The following SEMA5A variants were observed in gnomAD, a reference collection of about 807,000 sequenced individuals.
The protein encoded by SEMA5A is semaphorin-5A.
SEMA5A carries 55 observed loss-of-function variants against 135.5 expected under a neutral mutation model. That is an observed-to-expected ratio of 0.41 (90% CI 0.33 to 0.51). SEMA5A has a LOEUF of 0.51. SEMA5A is among the 20% of genes least tolerant of loss of function. The probability of loss-of-function intolerance (pLI) is 0.37; values close to 1 mark genes in which losing one functional copy is unlikely to be tolerated. For synonymous variants in SEMA5A, 580 were observed against 546.5 expected, an observed-to-expected ratio of 1.06 and a Z score of -0.85; for missense variants, 1,290 against 1,419.9, an observed-to-expected ratio of 0.91 and a Z score of 1.47.
chr5:9,546,006 G>A lies in SEMA5A; in HGVS notation c.-597C>T, dbSNP rs947893979. 6.6e-6 allele frequency: 1 copy of A among 152,190 alleles called. No individual in the cohort carries two copies. The highest frequency in any genetic ancestry group is 6.5e-5 in the Admixed American group (1 of 15,274). The allele number at this position is 152,190 out of a possible 1,614,324, so 9.4% of individuals were successfully genotyped here. A position where few individuals can be genotyped will look rare whatever the true frequency, so the allele number is the denominator to read the frequency against. On this transcript the variant is annotated 5_prime_UTR_variant, in exon 1 of 23. Coordinates refer to ENST00000382496, the MANE Select transcript of SEMA5A (RefSeq NM_003966.3). ...GCCTGAGGCTGCGAAGCCCACCCGC[G>A]GCGGGAAAGCAGCGCTCGGGAGCGG... is the stretch of plus-strand genomic sequence containing the variant.
intron 5 of SEMA5A, among the ~76,000 whole-genome samples, chr5:9,282,046 C>A (rs948304737): frequency 4.6e-5 from 7 of 151,920 alleles, no homozygotes; most frequent in African/African-American, 1.7e-4. Flanking sequence ...CTCCTGACCT[C>A]GTGATCCACC....
At chr5:9,189,814 A>G (rs551455303) in intron 11 of SEMA5A, among the ~76,000 whole-genome samples, 2 of 152,354 alleles carry the variant, frequency 1.3e-5, no homozygotes, top group South Asian at 2.1e-4. Context: ...GCCCCAAAAC[A>G]TATTCTTTGA....
chr5:9,235,624 C>T (rs1453320008), intron 6 of SEMA5A, among the ~76,000 whole-genome samples: 2 of 150,484 alleles, frequency 1.3e-5, no homozygotes, highest in Non-Finnish European at 2.9e-5. Flanking sequence ...TGGGGCCCCT[C>T]AGGTCTGGGC....
At chr5:9,230,474 G>C (rs1747566934) in intron 6 of SEMA5A, among the ~76,000 whole-genome samples, 4 of 152,114 alleles carry the variant, frequency 2.6e-5, no homozygotes. Flanking sequence ...GAAAGGGACA[G>C]AATTATTTCA....
Position 9,118,986 on chromosome 5 carries a change from G to C in SEMA5A, c.1925+12C>G, listed in dbSNP as rs779066235. On this transcript the variant is annotated intron_variant, in intron 15 of 22. Coordinates refer to ENST00000382496, the MANE Select transcript of SEMA5A (RefSeq NM_003966.3). Reference sequence around the variant, plus strand: ...TGAGGCTGGCGGTGCTGGCAGCAGGGTGGGCACGTACCTTTCCTCGCGGTT... The same window carrying C: ...TGAGGCTGGCGGTGCTGGCAGCAGGCTGGGCACGTACCTTTCCTCGCGGTT... 6.2e-7 allele frequency: 1 copy of C among 1,610,998 alleles called. No individual in the cohort carries two copies. The highest frequency in any genetic ancestry group is 1.1e-5 in the South Asian group (1 of 90,838).
chr5:9,404,670 C>T (rs1022742031), intron 2 of SEMA5A, among the ~76,000 whole-genome samples: 9 of 152,148 alleles, frequency 5.9e-5, no homozygotes, highest in South Asian at 2.1e-4. Context: ...TCCAGTGTCC[C>T]GTTGTACACA....
At chr5:9,493,282 CATCT>C (rs55635610) in intron 1 of SEMA5A, among the ~76,000 whole-genome samples, 43,414 of 149,350 alleles carry the variant, frequency 0.29, 6,630 homozygotes, top group East Asian at 0.51. Flanking sequence ...TATGTAGCAG[CATCT>C]ATCTATCTAT....
chr5:9,243,942 T>C (rs1748344691), intron 5 of SEMA5A, among the ~76,000 whole-genome samples: 2 of 152,208 alleles, frequency 1.3e-5, no homozygotes, highest in South Asian at 4.1e-4. Flanking sequence ...TTTGTGCATG[T>C]CTAAGTTCAG....
intron 9 of SEMA5A, among the ~76,000 whole-genome samples, chr5:9,197,780 G>GTGTGTGTGTGTGTGTGTGTGTGTGTT: frequency 9.6e-6 from 1 of 104,018 alleles, no homozygotes; most frequent in East Asian, 3.4e-4. Context: ...GTGTGTGTGT[G>GTGTGTGTGTGTGTGTGTGTGTGTGTT]TGTGTTTTAA....
chr5:9,282,379 C>T lies in SEMA5A; in HGVS notation c.270+35993G>A, dbSNP rs143613193. On this transcript the variant is annotated intron_variant, in intron 5 of 22. Transcript: ENST00000382496. Reference sequence around the variant, plus strand: ...GTCCTGTGAACATGGGTATGGGCCACATATTTGTCTCTGCGGTTTTCAGTA... The same window carrying T: ...GTCCTGTGAACATGGGTATGGGCCATATATTTGTCTCTGCGGTTTTCAGTA... Among the ~76,000 whole-genome samples the T allele has an allele frequency of 3.0e-3, 456 of 152,216 alleles. 2 individuals carry two copies. The highest frequency in any genetic ancestry group is 0.011 in the African/African-American group (444 of 41,538).
intron 18 of SEMA5A, among the ~76,000 whole-genome samples, chr5:9,054,766 TAG>T (rs1736798154): frequency 1.3e-5 from 2 of 152,120 alleles, no homozygotes. Flanking sequence ...GACAGTGGGA[TAG>T]AGAAAAGCTA....
intron 10 of SEMA5A, among the ~76,000 whole-genome samples, chr5:9,191,095 G>A (rs1231804006): frequency 6.6e-6 from 1 of 152,114 alleles, no homozygotes; most frequent in African/African-American, 2.4e-5. Context: ...AAAGAACATG[G>A]CAAATTTATA....
chr5:9,211,399 G>T (rs1309814500), intron 8 of SEMA5A, among the ~76,000 whole-genome samples: 1 of 152,034 alleles, frequency 6.6e-6, no homozygotes, highest in Non-Finnish European at 1.5e-5. Context: ...ATTTGTCTTT[G>T]TTTTGCTTGT....
chr5:9,449,665 C>T (rs1044200426), intron 1 of SEMA5A, among the ~76,000 whole-genome samples: 1 of 151,980 alleles, frequency 6.6e-6, no homozygotes, highest in Non-Finnish European at 1.5e-5. Flanking sequence ...GGGGCATATC[C>T]CTAAAGTTAG....
chr5:9,334,495 G>A (rs770776735), intron 4 of SEMA5A, among the ~76,000 whole-genome samples: 1 of 152,204 alleles, frequency 6.6e-6, no homozygotes, highest in Non-Finnish European at 1.5e-5. Flanking sequence ...CGAAACCCAT[G>A]AAGACCCTCA....
chr5:9,262,890 T>G (rs1461013511), intron 5 of SEMA5A, among the ~76,000 whole-genome samples: 1,047 of 95,768 alleles, frequency 0.011, 19 homozygotes, highest in African/African-American at 0.039. Flanking sequence ...AAAACTTAGA[T>G]TATAATAAAA....
chr5:9,200,920 G>GT (rs1366364914), intron 9 of SEMA5A, among the ~76,000 whole-genome samples: 2 of 152,180 alleles, frequency 1.3e-5, no homozygotes, highest in African/African-American at 4.8e-5. Context: ...GGAAAAAGAG[G>GT]TTTCCTTAGT....
At chr5:9,313,438 G>A (rs1440609272) in intron 5 of SEMA5A, among the ~76,000 whole-genome samples, 1 of 152,010 alleles carries the variant, frequency 6.6e-6, no homozygotes, top group East Asian at 1.9e-4. Context: ...AAAATATGAT[G>A]TTTACCTCCC....
chr5:9,288,219 A>T (rs1750894252), intron 5 of SEMA5A, among the ~76,000 whole-genome samples: 2 of 152,232 alleles, frequency 1.3e-5, no homozygotes, highest in Non-Finnish European at 2.9e-5. Context: ...CTATCAACAA[A>T]GACACAGGTG....
Sources: allele counts gnomAD v4.1 joint callset (sites outside exome capture counted in the v4.1 genomes callset), GRCh38; gene constraint gnomAD v4.1.1; transcripts MANE v1.5; gene names NCBI Gene and HGNC (gene_info 2026-07-23, HGNC 2026-07-21).